The following BMP7 variants were observed in gnomAD, a reference collection of about 807,000 sequenced individuals.
The protein encoded by BMP7 is osteogenic protein 1.
Under a neutral mutation model 41.2 loss-of-function variants are expected in BMP7, and 12 were observed. The observed-to-expected ratio is 0.29, with a 90% CI of 0.19 to 0.47. The LOEUF (loss-of-function observed/expected upper bound fraction) is 0.47, where lower values mean the gene tolerates loss of function less well. Ranked by LOEUF, BMP7 falls within the 20% of genes least tolerant of loss-of-function variation. The pLI, the probability that BMP7 is intolerant of heterozygous loss-of-function variation, is 0.99. For synonymous variants in BMP7, 248 were observed against 250.0 expected (o/e 0.99, Z 0.07); for missense variants, 467 against 606.0 (o/e 0.77, Z 2.41).
intron 3 of BMP7, among the ~76,000 whole-genome samples, chr20:57,191,997 G>A (rs1984370953): frequency 8.3e-6 from 1 of 120,792 alleles, no homozygotes; most frequent in Admixed American, 9.4e-5. Context: ...GTATATTATT[G>A]TATATGTAAT....
At chr20:57,175,629 C>T (rs1260403492) in intron 4 of BMP7, among the ~76,000 whole-genome samples, 1 of 152,190 alleles carries the variant, frequency 6.6e-6, no homozygotes, top group Non-Finnish European at 1.5e-5. Flanking sequence ...AATTTGGAAG[C>T]ATTCGGGTCA....
In BMP7 at chr20:57,259,986, C is replaced by A. The variant is rs2066147607; in HGVS notation, c.418+5719G>T. Among the ~76,000 whole-genome samples, 1 of 152,128 alleles carries A rather than the reference C, an allele frequency of 6.6e-6. No individual in the cohort carries two copies. Among genetic ancestry groups the A allele is most frequent in the South Asian group, 2.1e-4 (1 of 4,828 alleles). ...ACCCGGAATTCAATCCCAGCTTGAA[C>A]ACACAGCTAATACCAAACGGCTCAC... On this transcript the variant is annotated intron_variant, in intron 1 of 6. Coordinates refer to ENST00000395863, the MANE Select transcript of BMP7 (RefSeq NM_001719.3). The surrounding 1 kb of genome is among the most constrained non-coding windows in gnomAD (Gnocchi z 4.7).
At chr20:57,247,070 A>T (rs1243381035) in intron 1 of BMP7, among the ~76,000 whole-genome samples, 1 of 152,156 alleles carries the variant, frequency 6.6e-6, no homozygotes, top group Non-Finnish European at 1.5e-5. Flanking sequence ...TGATTATTAC[A>T]ATGGCTAACA....
At chr20:57,227,364 T>A (rs866839394) in intron 2 of BMP7, among the ~76,000 whole-genome samples, 5 of 152,192 alleles carry the variant, frequency 3.3e-5, no homozygotes, top group Admixed American at 6.5e-5. Flanking sequence ...TTTGTTTTCT[T>A]GGTACTTAGA....
intron 2 of BMP7, among the ~76,000 whole-genome samples, chr20:57,218,721 C>T (rs947036160): frequency 6.9e-6 from 1 of 145,260 alleles, no homozygotes; most frequent in African/African-American, 2.6e-5. Flanking sequence ...TTGGTGGTAG[C>T]TGGTGTTTGT....
At chr20:57,221,317 C>G (rs1985185086) in intron 2 of BMP7, among the ~76,000 whole-genome samples, 1 of 152,332 alleles carries the variant, frequency 6.6e-6, no homozygotes, top group Middle Eastern at 3.4e-3. Flanking sequence ...GGGCAGGTCA[C>G]TGGTCTCTGC....
At chr20:57,235,341 C>A (rs1363054318) in intron 1 of BMP7, among the ~76,000 whole-genome samples, 1 of 152,178 alleles carries the variant, frequency 6.6e-6, no homozygotes, top group Admixed American at 6.5e-5. Context: ...TTGTGCATGG[C>A]TTTTGGTGAA....
In BMP7 at chr20:57,213,647, C is replaced by T. The variant is rs996086361; in HGVS notation, c.612-11024G>A. 4.6e-5 allele frequency among the ~76,000 whole-genome samples: 7 copies of T among 152,146 alleles called. No homozygotes were observed. Among genetic ancestry groups the T allele is most frequent in the South Asian group, 4.1e-4 (2 of 4,826 alleles). On this transcript the variant is annotated intron_variant, in intron 2 of 6. Coordinates refer to ENST00000395863, the MANE Select transcript of BMP7 (RefSeq NM_001719.3). This position sits in a 1 kb window ranked among gnomAD's most constrained non-coding sequence, Gnocchi z 4.4. ...GGAAGGCTCTCCCTCATTAGAGACA[C>T]AGCCACCAGCAGAGACAATCAGGGG...
chr20:57,185,848 G>A (rs1050916708), intron 3 of BMP7, among the ~76,000 whole-genome samples: 3 of 148,440 alleles, frequency 2.0e-5, no homozygotes, highest in East Asian at 2.0e-4. Context: ...CTAGCTCAGG[G>A]CAGAGCTTTG....
chr20:57,256,995 C>T (rs1002599816), intron 1 of BMP7, among the ~76,000 whole-genome samples: 2 of 152,100 alleles, frequency 1.3e-5, no homozygotes, highest in Non-Finnish European at 2.9e-5. Flanking sequence ...AAGTCACTCC[C>T]AGGTAGAAAT....
intron 1 of BMP7, among the ~76,000 whole-genome samples, chr20:57,260,708 C>T (rs1040680946): frequency 5.3e-5 from 8 of 152,242 alleles, no homozygotes; most frequent in African/African-American, 1.9e-4. Flanking sequence ...GCTGTAAAGG[C>T]TAATCCGCAC....
intron 1 of BMP7, among the ~76,000 whole-genome samples, chr20:57,264,737 G>A (rs1322902041): frequency 6.6e-6 from 1 of 152,068 alleles, no homozygotes; most frequent in Non-Finnish European, 1.5e-5. Flanking sequence ...ACTTAAAATA[G>A]AAGACTAGCG....
At chr20:57,216,900 G>A (rs948963006) in intron 2 of BMP7, among the ~76,000 whole-genome samples, 10 of 152,234 alleles carry the variant, frequency 6.6e-5, no homozygotes, top group Non-Finnish European at 1.2e-4. Flanking sequence ...AGGGACCCCC[G>A]CCAGGACAAC....
chr20:57,231,110 C>T (rs181575149), intron 1 of BMP7, among the ~76,000 whole-genome samples: 126 of 152,338 alleles, frequency 8.3e-4, no homozygotes, highest in African/African-American at 3.0e-3. Context: ...CTGGACTTCT[C>T]AAACTATAGG....
chr20:57,252,864 C>A (rs2066119446), intron 1 of BMP7, among the ~76,000 whole-genome samples: 1 of 152,128 alleles, frequency 6.6e-6, no homozygotes, highest in Admixed American at 6.5e-5. Context: ...GGCAACTTTG[C>A]CCCCCAGGGT....
At chr20:57,204,879 T>C (rs989754354) in intron 2 of BMP7, among the ~76,000 whole-genome samples, 3 of 152,358 alleles carry the variant, frequency 2.0e-5, no homozygotes, top group African/African-American at 4.8e-5. Context: ...AAGACTCATG[T>C]TGAAAATCCC....
intron 1 of BMP7, among the ~76,000 whole-genome samples, chr20:57,238,745 G>A (rs1339878455): frequency 6.6e-6 from 1 of 152,024 alleles, no homozygotes; most frequent in Non-Finnish European, 1.5e-5. Context: ...CCACATGGCT[G>A]GGGAGGCCTC....
chr20:57,205,657 G>T (rs1313836781), intron 2 of BMP7, among the ~76,000 whole-genome samples: 1 of 152,182 alleles, frequency 6.6e-6, no homozygotes, highest in Non-Finnish European at 1.5e-5. Flanking sequence ...AGGAAAATGT[G>T]ACCAGATATC....
chr20:57,237,332 G>A (rs888546129), intron 1 of BMP7, among the ~76,000 whole-genome samples: 4 of 152,080 alleles, frequency 2.6e-5, no homozygotes, highest in Non-Finnish European at 5.9e-5. Context: ...GAACGTCCCC[G>A]GTACCCATTT....
Sources: gnomAD v4.1 joint callset for allele counts (sites outside exome capture counted in the v4.1 genomes callset) on GRCh38, gnomAD v4.1.1 for gene constraint, Gnocchi (gnomAD v3.1) non-coding constraint, MANE v1.5 for transcripts, NCBI Gene and HGNC (gene_info 2026-07-23, HGNC 2026-07-21) for gene names.